The following NPAS2 variants were observed in gnomAD, a reference collection of about 807,000 sequenced individuals.
The protein encoded by NPAS2 is neuronal PAS domain-containing protein 2.
Under a neutral mutation model 107.5 loss-of-function variants are expected in NPAS2, and 23 were observed. The observed-to-expected ratio is 0.21, with a 90% CI of 0.15 to 0.30. The LOEUF (loss-of-function observed/expected upper bound fraction) is 0.30, where lower values mean the gene tolerates loss of function less well. NPAS2 is among the 10% of genes least tolerant of loss of function. NPAS2 has a pLI of 1.00. For synonymous variants in NPAS2, 403 were observed against 417.5 expected, an observed-to-expected ratio of 0.97 and a Z score of 0.42; for missense variants, 756 against 1,043.3, an observed-to-expected ratio of 0.72 and a Z score of 3.79.
In NPAS2 at chr2:100,850,880, G is replaced by A. The variant is rs913961806; in HGVS notation, c.-23+30466G>A. On this transcript the variant is annotated intron_variant, in intron 1 of 20. Transcript: ENST00000335681. ...AGGCAGGAGAATCACTTGAACCCAG[G>A]AGGTGGAGGTTGCAGTGAGCCAAGA... 3.4e-5 allele frequency among the ~76,000 whole-genome samples: 5 copies of A among 147,350 alleles called. No individual in the cohort carries two copies. In the South Asian group the frequency reaches 6.6e-4, roughly 19 times the overall value.
intron 10 of NPAS2, among the ~76,000 whole-genome samples, chr2:100,967,364 C>CA (rs758604908): frequency 1.1e-3 from 153 of 139,148 alleles, no homozygotes; most frequent in Middle Eastern, 7.2e-3. Context: ...GTAGCTGGGA[C>CA]AACAGACGCC....
chr2:100,847,237 T>C (rs1182727647), intron 1 of NPAS2: 14 of 152,220 alleles, frequency 9.2e-5, no homozygotes, highest in Admixed American at 9.2e-4. Context: ...TGTCTTCTTA[T>C]CTTGGAATTC....
At chr2:100,880,806 C>T (rs796333577) in intron 1 of NPAS2, among the ~76,000 whole-genome samples, 1 of 152,124 alleles carries the variant, frequency 6.6e-6, no homozygotes, top group Non-Finnish European at 1.5e-5. Context: ...TTCTGTGTGA[C>T]CCCTGGACAT....
chr2:100,974,980 C>T (rs1017021941), intron 13 of NPAS2, 36 bp downstream of exon 13: 3 of 1,610,250 alleles, frequency 1.9e-6, no homozygotes, highest in Non-Finnish European at 2.5e-6. Flanking sequence ...GTGGGATGTC[C>T]ACATCAGACC....
chr2:100,820,991 G>GCCCCCC lies in NPAS2; in HGVS notation c.-23+579_-23+584dup. 3.2e-6 allele frequency: 4 copies of GCCCCCC among 1,260,232 alleles called. No individual in the cohort carries two copies. The highest frequency in any genetic ancestry group is 1.3e-5 in the South Asian group (1 of 75,308). 78.1% of individuals were successfully genotyped at this position (1,260,232 alleles called of 1,614,324 possible). ...CAGCCTGGCTCCTCACGTCGCTGCC[G>GCCCCCC]CCCCCCCACCCCAACTCCGGAGCTC... On this transcript the variant is annotated intron_variant, in intron 1 of 20. Transcript: ENST00000335681. The surrounding 1 kb of genome is among the most constrained non-coding windows in gnomAD (Gnocchi z 5.6).
chr2:100,961,640 G>A (rs1383001476), intron 7 of NPAS2, among the ~76,000 whole-genome samples: 1 of 152,218 alleles, frequency 6.6e-6, no homozygotes, highest in Non-Finnish European at 1.5e-5. Flanking sequence ...CAGGCCAACA[G>A]TAAGCTCTGC....
chr2:100,873,458 A>G (rs1302186692), intron 1 of NPAS2, among the ~76,000 whole-genome samples: 3 of 150,930 alleles, frequency 2.0e-5, no homozygotes, highest in East Asian at 1.9e-4. Context: ...TTCTCAATAC[A>G]ACAATACTGA....
intron 18 of NPAS2, 83 bp from the exon 19 acceptor site, chr2:100,990,697 C>A: frequency 7.6e-7 from 1 of 1,311,284 alleles, no homozygotes; most frequent in Non-Finnish European, 1.1e-6. Flanking sequence ...AGGGTCCAGC[C>A]AGGCTGAGCA....
At chr2:100,925,404 C>A in intron 3 of NPAS2, 110 bp downstream of exon 3, 4 of 1,191,728 alleles carry the variant, frequency 3.4e-6, no homozygotes, top group East Asian at 2.4e-5. Context: ...CCAGGCCCAG[C>A]CTTACCGGTC....
At chr2:100,901,203 G>A (rs1363255704) in intron 1 of NPAS2, among the ~76,000 whole-genome samples, 3 of 151,986 alleles carry the variant, frequency 2.0e-5, no homozygotes, top group African/African-American at 7.3e-5. Context: ...CCTGAGGTGG[G>A]GAACGATAAA....
At chr2:100,979,013 A>G (rs1542178) in intron 15 of NPAS2, among the ~76,000 whole-genome samples, 113,211 of 152,134 alleles carry the variant, frequency 0.74, 42,984 homozygotes, top group African/African-American at 0.9. Flanking sequence ...CCCAGACGGC[A>G]GTTCAGCAGC....
intron 1 of NPAS2, among the ~76,000 whole-genome samples, chr2:100,859,503 C>T (rs754870665): frequency 6.6e-5 from 10 of 152,076 alleles, no homozygotes; most frequent in Non-Finnish European, 1.0e-4. Context: ...ATGGGGAGTT[C>T]GGTCCAGTCT....
chr2:100,960,086 G>A lies in NPAS2; in HGVS notation c.599-3972G>A, dbSNP rs536787850. Among the ~76,000 whole-genome samples, 14 of 152,226 alleles carry A rather than the reference G, an allele frequency of 9.2e-5. No individual in the cohort carries two copies. In the South Asian group the frequency reaches 2.9e-3, roughly 32 times the overall value. On this transcript the variant is annotated intron_variant, in intron 7 of 20. Transcript: ENST00000335681. ...CCTTTGTCATCAGACAGACTTGGAA[G>A]CCAACCTTGGGTGCTTCCAAATGAG... is the stretch of plus-strand genomic sequence containing the variant.
Position 100,975,518 on chromosome 2 carries a change from T to C in NPAS2, c.1343T>C (p.Leu448Pro). The C allele has an allele frequency of 1.9e-6, 3 of 1,613,244 alleles. No individual in the cohort carries two copies. The highest frequency in any genetic ancestry group is 2.5e-6 in the Non-Finnish European group (3 of 1,179,584). Residue 448 changes from leucine (L) to proline (P), a missense_variant, in exon 14 of 21, where the codon CTG (leucine) becomes CCG (proline). Physicochemically the swap from Leu to Pro is moderately conservative, Grantham distance 98. Transcript: ENST00000335681. ...CCGGCTTTGCCAAGATCAGCCACCC[T>C]GCCCCAAGAGTTACCTGTCCCCGGG... ...STPALPRSAT[L>P]PQELPVPGLS...
chr2:100,988,530 A>G (rs1558944409), intron 17 of NPAS2: 3 of 495,834 alleles, frequency 6.1e-6, no homozygotes, highest in African/African-American at 3.9e-5. Context: ...GTGCTTAAAG[A>G]TATCACTCGG....
chr2:100,836,446 G>T (rs1677066563), intron 1 of NPAS2, among the ~76,000 whole-genome samples: 1 of 152,120 alleles, frequency 6.6e-6, no homozygotes, highest in South Asian at 2.1e-4. Flanking sequence ...AGAGTTCTAG[G>T]AAACAACACT....
chr2:100,897,237 G>A (rs1681469425), intron 1 of NPAS2, among the ~76,000 whole-genome samples: 1 of 151,964 alleles, frequency 6.6e-6, no homozygotes, highest in Admixed American at 6.5e-5. Context: ...TTCAAGATGA[G>A]ATTTCAGTGG....
intron 16 of NPAS2, chr2:100,987,804 G>A: frequency 2.0e-6 from 1 of 488,882 alleles, no homozygotes; most frequent in South Asian, 2.8e-5. Context: ...GAACATCTGG[G>A]TCTAAACAGC....
intron 1 of NPAS2, among the ~76,000 whole-genome samples, chr2:100,865,059 A>G (rs144578610): frequency 1.3e-5 from 2 of 152,320 alleles, no homozygotes; most frequent in East Asian, 3.9e-4. Flanking sequence ...ACTCCACTGT[A>G]CATTTGTGAG....
Sources: gnomAD v4.1 joint callset for allele counts (sites outside exome capture counted in the v4.1 genomes callset) on GRCh38, gnomAD v4.1.1 for gene constraint, Gnocchi (gnomAD v3.1) non-coding constraint, MANE v1.5 for transcripts, NCBI Gene and HGNC (gene_info 2026-07-23, HGNC 2026-07-21) for gene names.